Variants in RHBDD1 observed in about 807,000 individuals in gnomAD.
RHBDD1 encodes rhomboid-related protein 4.
Under a neutral mutation model 36.3 loss-of-function variants are expected in RHBDD1, and 38 were observed. The ratio of observed to expected loss-of-function variants is 1.05; its 90% confidence interval spans 0.81 to 1.37. The LOEUF (loss-of-function observed/expected upper bound fraction) is 1.37, where lower values mean the gene tolerates loss of function less well. Ranked by LOEUF, RHBDD1 falls within the 40% of genes most tolerant of loss-of-function variation. The probability of loss-of-function intolerance (pLI) is 0.00; values close to 1 mark genes in which losing one functional copy is unlikely to be tolerated. For missense variants in RHBDD1, 393 were observed against 377.6 expected, an observed-to-expected ratio of 1.04 and a Z score of -0.34; for synonymous variants, 151 against 136.5, an observed-to-expected ratio of 1.11 and a Z score of -0.74.
intron 5 of RHBDD1, among the ~76,000 whole-genome samples, chr2:226,887,614 G>A (rs1444562426): frequency 6.6e-6 from 1 of 152,236 alleles, no homozygotes; most frequent in Non-Finnish European, 1.5e-5. Flanking sequence ...ACTTGCTAAT[G>A]AAAGACAGTG....
intron 8 of RHBDD1, among the ~76,000 whole-genome samples, chr2:226,952,144 A>G (rs1212882991): frequency 6.6e-6 from 1 of 152,174 alleles, no homozygotes. Flanking sequence ...CCCAGGTGAT[A>G]CTAACAGGTC....
intron 8 of RHBDD1, among the ~76,000 whole-genome samples, chr2:226,932,675 T>C (rs1950097591): frequency 6.6e-6 from 1 of 152,098 alleles, no homozygotes; most frequent in Non-Finnish European, 1.5e-5. Flanking sequence ...CTTTGTAGTC[T>C]GGTGGTGAGA....
At chr2:226,922,202 CTTTTTTTTTTTTT>C (rs1017204610) in intron 8 of RHBDD1, among the ~76,000 whole-genome samples, 2 of 105,042 alleles carry the variant, frequency 1.9e-5, no homozygotes, top group South Asian at 3.5e-4. Flanking sequence ...TATCTTTTTC[CTTTTTTTTTTTTT>C]TTTTTTTTTT....
chr2:226,891,810 A>C (rs1946711349), intron 5 of RHBDD1, among the ~76,000 whole-genome samples: 1 of 152,220 alleles, frequency 6.6e-6, no homozygotes, highest in South Asian at 2.1e-4. Flanking sequence ...GAGAATACTG[A>C]AGACCTGGGC....
At chr2:226,827,124 C>G in the RHBDD1 span, among the ~76,000 whole-genome samples, 1 of 151,892 alleles carries the variant, frequency 6.6e-6, no homozygotes. Flanking sequence ...TGTCAGGCTA[C>G]TTTTTGTATA....
At chr2:226,862,698 A>G (rs1258156957) in intron 3 of RHBDD1, among the ~76,000 whole-genome samples, 5 of 152,160 alleles carry the variant, frequency 3.3e-5, no homozygotes, top group African/African-American at 1.2e-4. Context: ...TAGTCCGTTT[A>G]GGGTTGCTAT....
intron 5 of RHBDD1, among the ~76,000 whole-genome samples, chr2:226,892,631 C>T (rs1316519667): frequency 6.6e-6 from 1 of 152,148 alleles, no homozygotes; most frequent in Non-Finnish European, 1.5e-5. Flanking sequence ...GTAAGACCAA[C>T]TTACCAAGAA....
intron 3 of RHBDD1, among the ~76,000 whole-genome samples, chr2:226,860,473 T>G (rs1943747822): frequency 6.6e-6 from 1 of 152,192 alleles, no homozygotes; most frequent in South Asian, 2.1e-4. Flanking sequence ...ATTAACAATA[T>G]TCATTTTATA....
At chr2:226,860,992 G>T (rs1943801643) in intron 3 of RHBDD1, among the ~76,000 whole-genome samples, 1 of 152,168 alleles carries the variant, frequency 6.6e-6, no homozygotes, top group Non-Finnish European at 1.5e-5. Flanking sequence ...CTGGCACAGG[G>T]ACTGGCATGC....
chr2:226,991,694 A>G (rs1382000718), intron 8 of RHBDD1, among the ~76,000 whole-genome samples: 2 of 152,212 alleles, frequency 1.3e-5, no homozygotes, highest in African/African-American at 4.8e-5. Context: ...TTCCCATTTT[A>G]TAGATAAGGA....
At chr2:226,982,455 A>T (rs1955988456) in intron 8 of RHBDD1, among the ~76,000 whole-genome samples, 1 of 152,258 alleles carries the variant, frequency 6.6e-6, no homozygotes. Flanking sequence ...GTAGTTAAAA[A>T]GTAAAGATAA....
the RHBDD1 span, among the ~76,000 whole-genome samples, chr2:226,829,517 A>G: frequency 1.8e-4 from 28 of 152,340 alleles, 1 homozygote; most frequent in East Asian, 5.4e-3. Flanking sequence ...ATGTCAATTT[A>G]TCTCAGCCCC....
chr2:226,940,758 C>G (rs1950612240), intron 8 of RHBDD1, among the ~76,000 whole-genome samples: 1 of 152,042 alleles, frequency 6.6e-6, no homozygotes, highest in South Asian at 2.1e-4. Flanking sequence ...GATCAGGAAA[C>G]AGAGAAAACA....
intron 5 of RHBDD1, among the ~76,000 whole-genome samples, chr2:226,873,643 TGGA>T (rs1202145186): frequency 6.6e-6 from 1 of 152,044 alleles, no homozygotes; most frequent in African/African-American, 2.4e-5. Context: ...TGCAGGATAA[TGGA>T]GGAATTAAGA....
In RHBDD1 at chr2:226,917,776, G is replaced by T. The variant is rs372735474; in HGVS notation, c.856+3425G>T. 3.9e-5 allele frequency among the ~76,000 whole-genome samples: 6 copies of T among 151,932 alleles called. No individual in the cohort carries two copies. The South Asian group carries it at 6.2e-4, about 16-fold the overall frequency. The stretch of plus-strand genomic sequence containing the variant: ...TCATGAAAAATCACAAAAGTATGTA[G>T]AACTTGTTTGTCTCTCAAATGGCCA... On this transcript the variant is annotated intron_variant, in intron 8 of 8. Coordinates refer to ENST00000392062, the MANE Select transcript of RHBDD1 (RefSeq NM_001167608.3).
At chr2:226,824,826 C>T in the RHBDD1 span, among the ~76,000 whole-genome samples, 4 of 152,100 alleles carry the variant, frequency 2.6e-5, no homozygotes, top group African/African-American at 7.2e-5. Flanking sequence ...GATGTAAAGG[C>T]CTTTTTGAAG....
At chr2:226,994,397 G>A (rs1237990855) in intron 8 of RHBDD1, among the ~76,000 whole-genome samples, 1 of 152,200 alleles carries the variant, frequency 6.6e-6, no homozygotes, top group Non-Finnish European at 1.5e-5. Context: ...ACAAACGGAA[G>A]GTGCCGAAAG....
At chr2:226,897,323 T>C (rs1243035962) in intron 5 of RHBDD1, among the ~76,000 whole-genome samples, 2 of 152,134 alleles carry the variant, frequency 1.3e-5, no homozygotes, top group Admixed American at 6.5e-5. Context: ...TGTCTGTCTG[T>C]CTGTCTGTCT....
chr2:226,916,136 T>C (rs542285385), intron 8 of RHBDD1, among the ~76,000 whole-genome samples: 3 of 152,304 alleles, frequency 2.0e-5, no homozygotes, highest in Admixed American at 1.3e-4. Context: ...ACAATGTCAG[T>C]TCCACTGTAT....
Sources: gnomAD v4.1 joint callset for allele counts (sites outside exome capture counted in the v4.1 genomes callset) on GRCh38, gnomAD v4.1.1 for gene constraint, MANE v1.5 for transcripts, NCBI Gene and HGNC (gene_info 2026-07-23, HGNC 2026-07-21) for gene names.